The following TMEM196 variants were observed in gnomAD, a reference collection of about 807,000 sequenced individuals.
The protein encoded by TMEM196 is transmembrane protein 196.
Under a neutral mutation model 20.0 loss-of-function variants are expected in TMEM196, and 17 were observed. The ratio of observed to expected loss-of-function variants is 0.85; its 90% CI spans 0.58 to 1.27. TMEM196 has a LOEUF of 1.27. Ranked by LOEUF, TMEM196 falls within the 50% of genes most tolerant of loss-of-function variation. TMEM196 has a pLI of 0.00. For missense variants in TMEM196, 267 were observed against 223.0 expected, an observed-to-expected ratio of 1.20 and a Z score of -1.26; for synonymous variants, 113 against 88.9, an observed-to-expected ratio of 1.27 and a Z score of -1.52.
chr7:19,738,959 T>C (rs181098243), intron 1 of TMEM196, among the ~76,000 whole-genome samples: 2 of 152,148 alleles, frequency 1.3e-5, no homozygotes, highest in Non-Finnish European at 1.5e-5. Context: ...AAGAGTAACT[T>C]TAGGGTGGAG....
chr7:19,755,620 T>A (rs1235212037), intron 1 of TMEM196, among the ~76,000 whole-genome samples: 1 of 152,244 alleles, frequency 6.6e-6, no homozygotes, highest in East Asian at 1.9e-4. Context: ...AACACCTGTT[T>A]CTGGTGTCAC....
chr7:19,730,190 G>A (rs753095914), intron 1 of TMEM196, among the ~76,000 whole-genome samples: 1 of 151,662 alleles, frequency 6.6e-6, no homozygotes, highest in Non-Finnish European at 1.5e-5. Context: ...TGGGAGGCGA[G>A]GCTTGCAGTG....
At chr7:19,741,658 T>C (rs567189528) in intron 1 of TMEM196, among the ~76,000 whole-genome samples, 3 of 152,226 alleles carry the variant, frequency 2.0e-5, no homozygotes, top group African/African-American at 4.8e-5. Context: ...GAGATGTCAA[T>C]ACAAATAGAC....
chr7:19,731,225 A>G (rs972429718), intron 1 of TMEM196, among the ~76,000 whole-genome samples: 4 of 152,194 alleles, frequency 2.6e-5, no homozygotes, highest in Non-Finnish European at 5.9e-5. Context: ...TTAGAAATAG[A>G]TCTAATAAAA....
rs534700818 is a variant in TMEM196, at chr7:19,754,659, G to A, written c.147+17891C>T. Reference sequence around the variant, plus strand: ...AACTACTCGTGGCCATGAACTATAAGAAAAAGGAAAAAGAAAAAAAAAAGT... The same window carrying A: ...AACTACTCGTGGCCATGAACTATAAAAAAAAGGAAAAAGAAAAAAAAAAGT... On this transcript the variant is annotated intron_variant, in intron 1 of 4. Coordinates refer to ENST00000405844, the MANE Select transcript of TMEM196 (RefSeq NM_001363562.2). 5.7e-5 allele frequency among the ~76,000 whole-genome samples: 8 copies of A among 140,902 alleles called. No homozygotes were observed. In the South Asian group the frequency reaches 1.9e-3, roughly 33 times the overall value. 92.4% of individuals were successfully genotyped at this position (140,902 alleles called of 152,430 possible).
intron 1 of TMEM196, among the ~76,000 whole-genome samples, chr7:19,737,644 A>G (rs1000700736): frequency 6.6e-6 from 1 of 152,020 alleles, no homozygotes; most frequent in African/African-American, 2.4e-5. Flanking sequence ...TTTCTATATA[A>G]AAAAGGCTGT....
rs762541268 is a variant in TMEM196 at position 19,720,949 on chromosome 7, T to C, written c.*1179A>G. On this transcript the variant is annotated 3_prime_UTR_variant, in exon 5 of 5. Transcript: ENST00000405844. ...TATCAATATCATCAATAATTTTAAGTCATGATATCTTTATAAATACGGAAG... is the reference window on the plus strand; with the variant it reads ...TATCAATATCATCAATAATTTTAAGCCATGATATCTTTATAAATACGGAAG... 2 of 151,936 alleles carry C rather than the reference T, an allele frequency of 1.3e-5. No individual in the cohort carries two copies. The highest frequency in any genetic ancestry group is 2.9e-5 in the Non-Finnish European group (2 of 67,816). The allele number at this position is 151,936 out of a possible 1,614,324, so 9.4% of individuals were successfully genotyped here. A position where few individuals can be genotyped will look rare whatever the true frequency, so the allele number is the denominator to read the frequency against.
intron 1 of TMEM196, among the ~76,000 whole-genome samples, chr7:19,746,441 C>T (rs1183219487): frequency 6.6e-6 from 1 of 152,132 alleles, no homozygotes; most frequent in African/African-American, 2.4e-5. Context: ...AATGTAGATG[C>T]TCAATTTTCG....
At chr7:19,758,583 C>T (rs1457400351) in intron 1 of TMEM196, among the ~76,000 whole-genome samples, 3 of 152,268 alleles carry the variant, frequency 2.0e-5, no homozygotes, top group East Asian at 3.9e-4. Context: ...ATTCTCTGGA[C>T]TTTAGTTTAC....
At chr7:19,734,670 G>A (rs1784335250) in intron 1 of TMEM196, among the ~76,000 whole-genome samples, 1 of 152,176 alleles carries the variant, frequency 6.6e-6, no homozygotes, top group Non-Finnish European at 1.5e-5. Flanking sequence ...TGACCTCTGG[G>A]CACTGGAGAG....
chr7:19,724,410 A>G, intron 3 of TMEM196, 57 bp from the exon 4 acceptor site: 1 of 1,464,176 alleles, frequency 6.8e-7, no homozygotes, highest in South Asian at 1.2e-5. Flanking sequence ...ACAGAAAACT[A>G]AATCAGACTA....
chr7:19,735,839 A>T (rs2128019927), intron 1 of TMEM196, among the ~76,000 whole-genome samples: 1 of 152,278 alleles, frequency 6.6e-6, no homozygotes, highest in African/African-American at 2.4e-5. Context: ...TTCTCTAGTT[A>T]TTAGAGGAGA....
Position 19,720,618 on chromosome 7 carries a change from GAT to G in TMEM196, c.*1508_*1509del, listed in dbSNP as rs1455264066. The G allele has an allele frequency of 6.6e-6, 1 of 151,918 alleles. No homozygotes were observed. The highest frequency in any genetic ancestry group is 1.5e-5 in the Non-Finnish European group (1 of 67,830). 9.4% of individuals were successfully genotyped at this position (151,918 alleles called of 1,614,324 possible). A position where few individuals can be genotyped will look rare whatever the true frequency, so the allele number is the denominator to read the frequency against. ...GGTTATATTCTGATAAATATATTCA[GAT>G]ATATGTTGTTTTTTCACTTATATGT... On this transcript the variant is annotated 3_prime_UTR_variant, in exon 5 of 5. Coordinates refer to ENST00000405844, the MANE Select transcript of TMEM196 (RefSeq NM_001363562.2).
intron 1 of TMEM196, among the ~76,000 whole-genome samples, chr7:19,769,792 T>C (rs898944386): frequency 6.6e-6 from 1 of 152,206 alleles, no homozygotes; most frequent in African/African-American, 2.4e-5. Context: ...GTATTATAAG[T>C]AATCTAGAGA....
rs1290016002 is a variant in TMEM196, at chr7:19,725,598, A to C, written c.375T>G (p.Thr125=). Residue 125 remains threonine, a synonymous_variant, in exon 3 of 5, where the codon ACT becomes ACG. Transcript: ENST00000405844. ...IGGCTLSSWL[T]CRLASYEQRR... is the part of the protein sequence containing the mutation. The stretch of plus-strand genomic sequence containing the variant: ...TCTGTTCATAACTGGCTAGTCGACA[A>C]GTGAGCCAGGAAGAGAGAGTGCAGC... The C allele has an allele frequency of 6.2e-7, 1 of 1,613,980 alleles. No individual in the cohort carries two copies.
intron 1 of TMEM196, among the ~76,000 whole-genome samples, chr7:19,751,952 G>T (rs1785005085): frequency 6.6e-6 from 1 of 152,090 alleles, no homozygotes; most frequent in African/African-American, 2.4e-5. Flanking sequence ...CAATTAACAA[G>T]ATTTCAAGGA....
At chr7:19,746,952 TA>T (rs1370287099) in intron 1 of TMEM196, among the ~76,000 whole-genome samples, 1 of 152,122 alleles carries the variant, frequency 6.6e-6, no homozygotes, top group Non-Finnish European at 1.5e-5. Context: ...TCTTTGGAAT[TA>T]GGTAAATCAT....
At chr7:19,741,820 A>C (rs527859537) in intron 1 of TMEM196, among the ~76,000 whole-genome samples, 1 of 152,190 alleles carries the variant, frequency 6.6e-6, no homozygotes, top group Middle Eastern at 3.2e-3. Flanking sequence ...AATTTACCTA[A>C]GAGAATATAT....
At chr7:19,734,280 C>T (rs1784317643) in intron 1 of TMEM196, among the ~76,000 whole-genome samples, 2 of 152,114 alleles carry the variant, frequency 1.3e-5, no homozygotes, top group African/African-American at 4.8e-5. Context: ...TCAAACTTTT[C>T]AATGTATATC....
Sources: gnomAD v4.1 joint callset for allele counts (sites outside exome capture counted in the v4.1 genomes callset) on GRCh38, gnomAD v4.1.1 for gene constraint, MANE v1.5 for transcripts, NCBI Gene and HGNC (gene_info 2026-07-23, HGNC 2026-07-21) for gene names.